Variants in TRIM29 observed in about 807,000 individuals in gnomAD.
The protein encoded by TRIM29 is tripartite motif containing 29.
In TRIM29, 52 loss-of-function variants were observed where a neutral mutation model predicts 57.3. The ratio of observed to expected loss-of-function variants is 0.91; its 90% CI spans 0.73 to 1.14. The LOEUF (loss-of-function observed/expected upper bound fraction) is 1.14. Among genes scored for constraint, TRIM29 ranks in the 50% most tolerant of loss-of-function variants. The pLI, the probability that TRIM29 is intolerant of heterozygous loss-of-function variation, is 0.00. For synonymous variants in TRIM29, 319 were observed against 316.9 expected, an observed-to-expected ratio of 1.01 and a Z score of -0.07; for missense variants, 753 against 774.6, an observed-to-expected ratio of 0.97 and a Z score of 0.33.
At chr11:120,114,918 T>A (rs1863228781) in intron 8 of TRIM29, among the ~76,000 whole-genome samples, 1 of 152,194 alleles carries the variant, frequency 6.6e-6, no homozygotes, top group African/African-American at 2.4e-5. Context: ...CCCAATGGCC[T>A]CTATGCTGTC....
At chr11:120,129,043 A>G in intron 1 of TRIM29, 1 of 681,628 alleles carries the variant, frequency 1.5e-6, no homozygotes, top group Non-Finnish European at 2.1e-6. Flanking sequence ...TGGGAAAGGG[A>G]AGGCATTCTG....
At chr11:120,125,079 G>T (rs1863552018) in intron 4 of TRIM29, 1 of 152,642 alleles carries the variant, frequency 6.6e-6, no homozygotes, top group South Asian at 2.1e-4. Context: ...GGTTTTCTGT[G>T]AGATGATTCA....
At chr11:120,120,458 A>T (rs590843) in intron 6 of TRIM29, 115 bp downstream of exon 6, 354,183 of 904,132 alleles carry the variant, frequency 0.39, 75,127 homozygotes, top group South Asian at 0.57. Context: ...CTAGCTTCCC[A>T]CATTCATCTC....
intron 7 of TRIM29, chr11:120,117,917 G>A (rs1394711800): frequency 7.7e-6 from 3 of 389,638 alleles, no homozygotes; most frequent in Non-Finnish European, 1.4e-5. Context: ...CTGAGGATCA[G>A]AGAGGTCGAG....
chr11:120,123,302 A>T (rs1359684589), intron 4 of TRIM29: 1 of 667,812 alleles, frequency 1.5e-6, no homozygotes, highest in South Asian at 1.5e-5. Flanking sequence ...TGTAAATACG[A>T]TTGTGTGCAC....
chr11:120,137,966 C>T lies in TRIM29; in HGVS notation c.66G>A (p.Pro22=), dbSNP rs773439980. 1.9e-6 allele frequency: 3 copies of T among 1,605,740 alleles called. No individual in the cohort carries two copies. The highest frequency in any genetic ancestry group is 2.5e-6 in the Non-Finnish European group (3 of 1,179,956). The change falls in exon 1 of 9, where the codon CCG becomes CCA. Residue 22 remains proline (P), a synonymous_variant. Coordinates refer to ENST00000341846, the MANE Select transcript of TRIM29 (RefSeq NM_012101.4). The surrounding 1 kb of genome is among the most constrained non-coding windows in gnomAD (Gnocchi z 6.2). ...SSPEARDARS[P]SGPSGSLENG... ...TCTCCAGGCTGCCACTGGGGCCCGA[C>T]GGGCTCCGGGCATCCCTGGCTTCTG...
At chr11:120,116,473 C>G (rs1863272288) in intron 7 of TRIM29, 1 of 152,562 alleles carries the variant, frequency 6.6e-6, no homozygotes, top group Admixed American at 6.5e-5. Flanking sequence ...CTGCCCTGCT[C>G]TAAGCGAGGA....
At chr11:120,125,373 T>G in intron 4 of TRIM29, 1 of 342,828 alleles carries the variant, frequency 2.9e-6, no homozygotes, top group Non-Finnish European at 5.4e-6. Context: ...GGCCCGGCAA[T>G]TAGATGTAGA....
chr11:120,130,314 G>A (rs950193099), intron 1 of TRIM29, among the ~76,000 whole-genome samples: 1 of 152,200 alleles, frequency 6.6e-6, no homozygotes, highest in Non-Finnish European at 1.5e-5. Context: ...CCAACCTCCT[G>A]ACCCAGCTCA....
intron 8 of TRIM29, 149 bp downstream of exon 8, chr11:120,115,189 G>C: frequency 1.4e-6 from 1 of 735,436 alleles, no homozygotes; most frequent in Non-Finnish European, 2.3e-6. Flanking sequence ...CTGTGTACAG[G>C]TATTCAGGCC....
At chr11:120,113,827 G>C (rs519672) in intron 8 of TRIM29, among the ~76,000 whole-genome samples, 91,401 of 151,980 alleles carry the variant, frequency 0.6, 28,196 homozygotes, top group African/African-American at 0.75. Context: ...CTTTGAGGAA[G>C]ATTGGGTCAA....
At chr11:120,128,741 C>G in intron 1 of TRIM29, 1 of 1,535,476 alleles carries the variant, frequency 6.5e-7, no homozygotes, top group Non-Finnish European at 8.7e-7. Flanking sequence ...GGCTGGATAT[C>G]CTAGCCATGT....
intron 1 of TRIM29, among the ~76,000 whole-genome samples, chr11:120,134,578 C>G (rs1459426812): frequency 2.0e-5 from 3 of 152,222 alleles, no homozygotes; most frequent in Non-Finnish European, 4.4e-5. Flanking sequence ...GTGCCCAGCT[C>G]AGTCTCCTGG....
At chr11:120,120,043 G>A (rs1863393925) in intron 6 of TRIM29, among the ~76,000 whole-genome samples, 1 of 152,068 alleles carries the variant, frequency 6.6e-6, no homozygotes, top group Non-Finnish European at 1.5e-5. Context: ...TCCAGGGCCA[G>A]CCCCATTTCC....
chr11:120,113,924 C>T (rs1172634600), intron 8 of TRIM29, among the ~76,000 whole-genome samples: 1 of 152,178 alleles, frequency 6.6e-6, no homozygotes, highest in Admixed American at 6.5e-5. Context: ...GCTACCTTCA[C>T]CCTCCCATCC....
chr11:120,126,007 C>T (rs1193740542), intron 3 of TRIM29, 118 bp from the exon 4 acceptor site: 1 of 974,394 alleles, frequency 1.0e-6, no homozygotes, highest in Non-Finnish European at 1.5e-6. Flanking sequence ...CCCCACTCTT[C>T]CTCACTGGAT....
chr11:120,122,131 AGT>A (rs72245071), intron 5 of TRIM29: 36,527 of 203,368 alleles, frequency 0.18, 3,857 homozygotes, highest in Middle Eastern at 0.25. Context: ...TGTGTGTGTG[AGT>A]GTGTGTGTGT....
intron 1 of TRIM29, among the ~76,000 whole-genome samples, chr11:120,132,033 TCAA>T (rs1863733466): frequency 6.6e-6 from 1 of 151,400 alleles, no homozygotes; most frequent in African/African-American, 2.4e-5. Context: ...AGGCCAAGCT[TCAA>T]CAACAGGACT....
In TRIM29 at chr11:120,120,676, G is replaced by A. The variant is rs375299795; in HGVS notation, c.1436-11C>T. ...ATGTCCGGACCCCACCTGTGAAGCAGATGAAGGGGGCTGTCATTGCAGAAA... is the reference window on the plus strand; with the variant it reads ...ATGTCCGGACCCCACCTGTGAAGCAAATGAAGGGGGCTGTCATTGCAGAAA... On this transcript the variant is annotated splice_polypyrimidine_tract_variant and intron_variant, in intron 5 of 8. Coordinates refer to ENST00000341846, the MANE Select transcript of TRIM29 (RefSeq NM_012101.4). 3.1e-6 allele frequency: 5 copies of A among 1,613,278 alleles called. No individual in the cohort carries two copies. In the African/African-American group the frequency reaches 6.7e-5, roughly 22 times the overall value.
Sources: allele counts gnomAD v4.1 joint callset (sites outside exome capture counted in the v4.1 genomes callset), GRCh38; gene constraint gnomAD v4.1.1; non-coding constraint Gnocchi (gnomAD v3.1); transcripts MANE v1.5; gene names NCBI Gene and HGNC (gene_info 2026-07-23, HGNC 2026-07-21).